The following RMDN2 variants were observed in gnomAD, a reference collection of about 807,000 sequenced individuals.
The protein encoded by RMDN2 is regulator of microtubule dynamics 2, also known as regulator of microtubule dynamics protein 2.
Under a neutral mutation model 52.8 loss-of-function variants are expected in RMDN2, and 61 were observed. The observed-to-expected ratio is 1.16, with a 90% CI of 0.94 to 1.43. RMDN2 has a LOEUF of 1.43. Ranked by LOEUF, RMDN2 falls within the 40% of genes most tolerant of loss-of-function variation. RMDN2 has a pLI of 0.00. For synonymous variants in RMDN2, 180 were observed against 153.1 expected (o/e 1.18, Z -1.30); for missense variants, 592 against 475.3 (o/e 1.25, Z -2.28).
chr2:37,953,051 T>C (rs1669039472), intron 2 of RMDN2: 1 of 152,000 alleles, frequency 6.6e-6, no homozygotes, highest in Non-Finnish European at 1.5e-5. Context: ...GGAATTTGCA[T>C]TATTTCTAAT....
At chr2:38,020,342 A>G (rs536032371), downstream of RMDN2, among the ~76,000 whole-genome samples, 10 of 151,700 alleles carry the variant, frequency 6.6e-5, no homozygotes, top group African/African-American at 2.4e-4. Flanking sequence ...GATTCTCATG[A>G]GAGGTGACAG....
chr2:38,021,661 C>T (rs765814045), downstream of RMDN2, among the ~76,000 whole-genome samples: 9 of 152,176 alleles, frequency 5.9e-5, no homozygotes, highest in Non-Finnish European at 1.3e-4. Flanking sequence ...GACCAAGAAC[C>T]CACCAATTCT....
intron 10 of RMDN2, among the ~76,000 whole-genome samples, chr2:38,053,681 A>T (rs1681727572): frequency 6.6e-6 from 1 of 152,216 alleles, no homozygotes; most frequent in African/African-American, 2.4e-5. Flanking sequence ...AAACGTTTCT[A>T]TGCTAAGTTG....
chr2:38,017,058 G>A (rs369178242), intron 10 of RMDN2, 128 bp from the exon 11 acceptor site: 17 of 418,188 alleles, frequency 4.1e-5, no homozygotes, highest in East Asian at 1.8e-4. Context: ...GTGATTGCAC[G>A]TACCCTCATG....
At chr2:37,965,522 G>C (rs1460906068) in intron 2 of RMDN2, among the ~76,000 whole-genome samples, 1 of 151,620 alleles carries the variant, frequency 6.6e-6, no homozygotes, top group Non-Finnish European at 1.5e-5. Context: ...CACCACCCAT[G>C]TATTTTGTTG....
downstream of RMDN2, among the ~76,000 whole-genome samples, chr2:38,018,635 G>A (rs1243038106): frequency 6.6e-6 from 1 of 152,184 alleles, no homozygotes; most frequent in African/African-American, 2.4e-5. Context: ...GATCTCAACA[G>A]TATAAAAATA....
chr2:38,064,292 C>G (rs948911438), intron 10 of RMDN2, among the ~76,000 whole-genome samples: 1 of 152,082 alleles, frequency 6.6e-6, no homozygotes. Context: ...GAGTTTGAGA[C>G]TAGCCTAACC....
intron 2 of RMDN2, among the ~76,000 whole-genome samples, chr2:37,964,871 ATTTC>A (rs1480579159): frequency 3.3e-5 from 5 of 151,954 alleles, no homozygotes; most frequent in Non-Finnish European, 7.4e-5. Context: ...TTGTGTTGCT[ATTTC>A]TTTTTTCAAT....
chr2:37,974,148 T>C lies in RMDN2; in HGVS notation c.561T>C (p.Asp187=). The part of the protein sequence containing the change: ...LNLDVLLQKV[D]HLRMSESGKS... Reference sequence around the variant, plus strand: ...TAGATGTCCTTCTTCAGAAGGTAGATCATTTACGTATGAGTGAGTCTGGCA... The same window carrying C: ...TAGATGTCCTTCTTCAGAAGGTAGACCATTTACGTATGAGTGAGTCTGGCA... The change falls in exon 3 of 11, where the codon GAT becomes GAC. Residue 187 remains aspartate, a synonymous_variant. Transcript: ENST00000354545. The C allele has an allele frequency of 6.2e-7, 1 of 1,613,450 alleles. No homozygotes were observed. The highest frequency in any genetic ancestry group is 8.5e-7 in the Non-Finnish European group (1 of 1,179,470).
intron 2 of RMDN2, among the ~76,000 whole-genome samples, chr2:37,948,533 C>T (rs980889631): frequency 5.9e-5 from 9 of 151,982 alleles, no homozygotes; most frequent in South Asian, 2.1e-4. Context: ...AATTGAAGGA[C>T]GAACATGTTT....
At chr2:38,028,691 T>A (rs1408347636) in intron 10 of RMDN2, among the ~76,000 whole-genome samples, 1 of 152,138 alleles carries the variant, frequency 6.6e-6, no homozygotes, top group African/African-American at 2.4e-5. Flanking sequence ...TGGGCCAGCT[T>A]TGCCCAGCCT....
chr2:38,066,461 C>G (rs1163716195), intron 10 of RMDN2, among the ~76,000 whole-genome samples: 2 of 152,110 alleles, frequency 1.3e-5, no homozygotes, highest in Non-Finnish European at 2.9e-5. Flanking sequence ...TTCCTTTTCA[C>G]TTTCTGAGAT....
chr2:38,000,069 T>A (rs562947097), intron 8 of RMDN2, among the ~76,000 whole-genome samples: 20 of 152,332 alleles, frequency 1.3e-4, no homozygotes, highest in African/African-American at 4.6e-4. Flanking sequence ...TAGCTACTAT[T>A]GTTTTGCTAT....
At chr2:37,934,159 C>T (rs953429491) in intron 2 of RMDN2, among the ~76,000 whole-genome samples, 3 of 152,104 alleles carry the variant, frequency 2.0e-5, no homozygotes, top group African/African-American at 7.2e-5. Context: ...TGGATATCAG[C>T]CACAATTTTC....
chr2:38,036,755 T>C (rs1326299826), intron 10 of RMDN2: 1 of 152,248 alleles, frequency 6.6e-6, no homozygotes, highest in Non-Finnish European at 1.5e-5. Flanking sequence ...TGATAACACA[T>C]ACAGAGACAG....
intron 10 of RMDN2, among the ~76,000 whole-genome samples, chr2:38,064,903 A>G (rs1682206997): frequency 1.3e-5 from 2 of 152,084 alleles, no homozygotes; most frequent in Non-Finnish European, 2.9e-5. Flanking sequence ...AGCTGATGGG[A>G]GTGTGGACAG....
At position 37,997,530 on chromosome 2, in the gene RMDN2, C is replaced by A. The variant is rs746416664; in HGVS notation, c.1044+16C>A. The A allele has an allele frequency of 6.6e-7, 1 of 1,519,906 alleles. No homozygotes were observed. Among genetic ancestry groups the A allele is most frequent in the Non-Finnish European group, 9.1e-7 (1 of 1,094,618 alleles). The allele number at this position is 1,519,906 out of a possible 1,614,324, so 94.2% of individuals were successfully genotyped here. On this transcript the variant is annotated intron_variant, in intron 8 of 10. Transcript: ENST00000354545. ...TTTCCTTAAGGTACATTTTGTGTAT[C>A]CATTATTTTAGTGTCAGACTGATTA...
At chr2:37,943,795 C>A (rs745597741) in intron 2 of RMDN2, among the ~76,000 whole-genome samples, 12 of 152,098 alleles carry the variant, frequency 7.9e-5, no homozygotes, top group Non-Finnish European at 1.3e-4. Context: ...GGAGTGTAGT[C>A]TTTTCCCCCT....
intron 10 of RMDN2, among the ~76,000 whole-genome samples, chr2:38,064,307 T>C (rs1389890981): frequency 6.6e-6 from 1 of 152,024 alleles, no homozygotes; most frequent in Non-Finnish European, 1.5e-5. Context: ...CTAACCAACA[T>C]GGTGAAACCT....
Sources: allele counts gnomAD v4.1 joint callset (sites outside exome capture counted in the v4.1 genomes callset), GRCh38; gene constraint gnomAD v4.1.1; transcripts MANE v1.5; gene names NCBI Gene and HGNC (gene_info 2026-07-23, HGNC 2026-07-21).